Variants in DQX1 observed in about 807,000 individuals in gnomAD.
DQX1 encodes DEAQ-box RNA dependent ATPase 1.
DQX1 carries 66 observed loss-of-function variants against 81.3 expected under a neutral mutation model. The ratio of observed to expected loss-of-function variants is 0.81; its 90% CI spans 0.67 to 1.00. The LOEUF (loss-of-function observed/expected upper bound fraction) is 1.00. Ranked by LOEUF, DQX1 falls within the 50% of genes least tolerant of loss-of-function variation. The probability of loss-of-function intolerance (pLI) is 0.00; values close to 1 mark genes in which losing one functional copy is unlikely to be tolerated. For synonymous variants in DQX1, 290 were observed against 350.0 expected (o/e 0.83, Z 1.91); for missense variants, 798 against 867.9 (o/e 0.92, Z 1.01).
chr2:74,525,194 C>A lies in DQX1; in HGVS notation c.246G>T (p.Gln82His). 6.4e-7 allele frequency: 1 copy of A among 1,563,050 alleles called. No individual in the cohort carries two copies. The highest frequency in any genetic ancestry group is 8.7e-7 in the Non-Finnish European group (1 of 1,151,536). Reference protein sequence around the residue: ...PGSGKSTQIPQWCAEFALARG... With the variant: ...PGSGKSTQIPHWCAEFALARG... The stretch of plus-strand genomic sequence containing the variant: ...TGGCCAGCGCAAACTCTGCACACCA[C>A]TGAGGGATCTGGGATAGAAGTAGGG... Residue 82 changes from glutamine (Q) to histidine (H), a missense_variant, in exon 3 of 12, where the codon CAG (glutamine) becomes CAT (histidine). Physicochemically the swap from Gln to His is conservative, Grantham distance 24. Transcript: ENST00000404568. The surrounding 1 kb of genome is among the most constrained non-coding windows in gnomAD (Gnocchi z 4.1).
rs1304067533 is a variant in DQX1, at chr2:74,525,981, CAG to C, written c.-20+153_-20+154del. ...CTACCTGAGACTATTACCCCGTTGG[CAG>C]GTAGTAGAAATCTTACTTAGGCAGG... On this transcript the variant is annotated intron_variant, in intron 1 of 11. Coordinates refer to ENST00000404568, the MANE Select transcript of DQX1 (RefSeq NM_133637.3). The surrounding 1 kb of genome is among the most constrained non-coding windows in gnomAD (Gnocchi z 4.1). 6.6e-6 allele frequency among the ~76,000 whole-genome samples: 1 copy of C among 152,172 alleles called. No homozygotes were observed. The highest frequency in any genetic ancestry group is 1.5e-5 in the Non-Finnish European group (1 of 68,034).
Position 74,525,389 on chromosome 2 carries a change from C to T in DQX1, c.237+104G>A. 7.5e-7 allele frequency: 1 copy of T among 1,335,712 alleles called. No individual in the cohort carries two copies. The allele number at this position is 1,335,712 out of a possible 1,614,324, so 82.7% of individuals were successfully genotyped here. A position where few individuals can be genotyped will look rare whatever the true frequency, so the allele number is the denominator to read the frequency against. ...CACCTTCCTCATGACCCCACGCAGC[C>T]CAGTCCCCCCTTGCCCAGGGAAAGG... is the stretch of plus-strand genomic sequence containing the variant. On this transcript the variant is annotated intron_variant, in intron 2 of 11. Transcript: ENST00000404568. This position sits in a 1 kb window ranked among gnomAD's most constrained non-coding sequence, Gnocchi z 4.1.
chr2:74,519,841 G>T, intron 9 of DQX1, 74 bp downstream of exon 9: 5 of 1,602,406 alleles, frequency 3.1e-6, no homozygotes, highest in African/African-American at 1.3e-5. Context: ...TGAGCATAGA[G>T]ATCTGTCAGC....
intron 8 of DQX1, among the ~76,000 whole-genome samples, chr2:74,522,194 A>T (rs1675047328): frequency 6.6e-6 from 1 of 152,186 alleles, no homozygotes; most frequent in African/African-American, 2.4e-5. Flanking sequence ...TGGATTAGGT[A>T]CCTGGAAGGT....
At position 74,522,696 on chromosome 2, in the gene DQX1, T is replaced by A; in HGVS notation, c.1379A>T (p.Asp460Val). Residue 460 changes from aspartate to valine, a missense_variant, in exon 8 of 12, where the codon GAT (aspartate) becomes GTT (valine). Physicochemically the swap from Asp to Val is radical, Grantham distance 152 (BLOSUM62 -3). Coordinates refer to ENST00000404568, the MANE Select transcript of DQX1 (RefSeq NM_133637.3). Reference protein sequence around the residue: ...AALDDDGDLSDLGVILSEFPL... With the variant: ...AALDDDGDLSVLGVILSEFPL... ...GAATTCTGATAGTATGACACCCAGA[T>A]CTGACAGGTCCCCATCATCATCCAG... 2 of 1,614,188 alleles carry A rather than the reference T, an allele frequency of 1.2e-6. No individual in the cohort carries two copies. Among genetic ancestry groups the A allele is most frequent in the Non-Finnish European group, 8.5e-7 (1 of 1,180,036 alleles).
At position 74,519,961 on chromosome 2, in the gene DQX1, A is replaced by T. The variant is rs376169998; in HGVS notation, c.1569T>A (p.Asp523Glu). ...AALRRALEHT[D>E]GDHSSLIQVY... is the part of the protein sequence containing the mutation. Reference sequence around the variant, plus strand: ...CCTGGATCAGAGAACTGTGGTCACCATCCGTGTGTTCCAGGGCCCGACGCA... The same window carrying T: ...CCTGGATCAGAGAACTGTGGTCACCTTCCGTGTGTTCCAGGGCCCGACGCA... Residue 523 changes from aspartate to glutamate, a missense_variant, in exon 9 of 12, where the codon GAT (aspartate) becomes GAA (glutamate). Physicochemically the swap from Asp to Glu is conservative, Grantham distance 45 (BLOSUM62 2). Transcript: ENST00000404568. The T allele has an allele frequency of 1.9e-6, 3 of 1,614,110 alleles. No homozygotes were observed. In the African/African-American group the frequency reaches 4.0e-5, roughly 22 times the overall value.
In DQX1 at chr2:74,523,384, G is replaced by A; in HGVS notation, c.970C>T (p.His324Tyr). Residue 324 changes from histidine (H) to tyrosine (Y), a missense_variant, in exon 5 of 12, where the codon CAC becomes TAC. Coordinates refer to ENST00000404568, the MANE Select transcript of DQX1 (RefSeq NM_133637.3). ...GAGAAGGAGAAGTCAGCCAGCCAGT[G>A]AGTGACCACAACCTTTCGGGCATCC... is the stretch of plus-strand genomic sequence containing the variant. ...DMDARKVVVT[H>Y]WLADFSFSLP... 2.5e-6 allele frequency: 4 copies of A among 1,614,186 alleles called. No individual in the cohort carries two copies. The highest frequency in any genetic ancestry group is 3.4e-6 in the Non-Finnish European group (4 of 1,180,038).
At chr2:74,521,803 C>T (rs1675036566) in intron 8 of DQX1, among the ~76,000 whole-genome samples, 1 of 148,890 alleles carries the variant, frequency 6.7e-6, no homozygotes, top group Non-Finnish European at 1.5e-5. Context: ...CTCTCCCCCT[C>T]TCCCCATGCG....
intron 4 of DQX1, 43 bp from the exon 5 acceptor site, chr2:74,523,580 T>C: frequency 6.3e-7 from 1 of 1,581,004 alleles, no homozygotes; most frequent in South Asian, 1.1e-5. Flanking sequence ...GTTCTCACGT[T>C]TTTTGGGGTC....
chr2:74,518,571 T>G lies in DQX1; in HGVS notation c.2029A>C (p.Ser677Arg), dbSNP rs1251410168. 2 of 1,614,178 alleles carry G rather than the reference T, an allele frequency of 1.2e-6. No individual in the cohort carries two copies. Among genetic ancestry groups the G allele is most frequent in the Admixed American group, 3.3e-5 (2 of 60,018 alleles). The change falls in exon 12 of 12, where the codon AGT (serine) becomes CGT (arginine). Residue 677 changes from serine to arginine, a missense_variant. Physicochemically the swap from Ser to Arg is moderately radical, Grantham distance 110 (BLOSUM62 -1). Transcript: ENST00000404568. ...CTGCTCTCACTGGGAGGCAAGTTAC[T>G]CAGGAAGTATGGAGGGGCCAATTCC... ...LVELAPPYFL[S>R]NLPPSESRDL...
At position 74,525,777 on chromosome 2, in the gene DQX1, C is replaced by A. The variant is rs1572987160; in HGVS notation, c.-19-29G>T. 2 of 1,494,110 alleles carry A rather than the reference C, an allele frequency of 1.3e-6. No individual in the cohort carries two copies. Among genetic ancestry groups the A allele is most frequent in the South Asian group, 1.2e-5 (1 of 80,830 alleles). The allele number at this position is 1,494,110 out of a possible 1,614,324, so 92.6% of individuals were successfully genotyped here. ...CAGAAGGCAGAGCAGCCAGTAAGGTCATATTTGGTGACCGACACCATCTTC... is the reference window on the plus strand; with the variant it reads ...CAGAAGGCAGAGCAGCCAGTAAGGTAATATTTGGTGACCGACACCATCTTC... On this transcript the variant is annotated intron_variant, in intron 1 of 11. Coordinates refer to ENST00000404568, the MANE Select transcript of DQX1 (RefSeq NM_133637.3). The surrounding 1 kb of genome is among the most constrained non-coding windows in gnomAD (Gnocchi z 4.1).
chr2:74,519,932 T>C lies in DQX1; in HGVS notation c.1598A>G (p.Tyr533Cys), dbSNP rs1021696534. The part of the protein sequence containing the change: ...DGDHSSLIQV[Y>C]EAFIQSGADE... ...GAACTCACTTTGTATAAAGGCTTCATACACCTGGATCAGAGAACTGTGGTC... is the reference window on the plus strand; with the variant it reads ...GAACTCACTTTGTATAAAGGCTTCACACACCTGGATCAGAGAACTGTGGTC... The change falls in exon 9 of 12, where the codon TAT becomes TGT. Residue 533 changes from tyrosine (Y) to cysteine (C), a missense_variant. By Grantham distance (194) the Tyr-to-Cys change is radical (BLOSUM62 -2). Coordinates refer to ENST00000404568, the MANE Select transcript of DQX1 (RefSeq NM_133637.3). 3 of 1,614,080 alleles carry C rather than the reference T, an allele frequency of 1.9e-6. No individual in the cohort carries two copies. Among genetic ancestry groups the C allele is most frequent in the Non-Finnish European group, 1.7e-6 (2 of 1,180,034 alleles).
chr2:74,520,449 G>A (rs1674994518), intron 8 of DQX1, among the ~76,000 whole-genome samples: 1 of 152,196 alleles, frequency 6.6e-6, no homozygotes, highest in Non-Finnish European at 1.5e-5. Flanking sequence ...GTATGTTTTA[G>A]ACTGTGGCAA....
chr2:74,519,443 TA>T, intron 10 of DQX1, 112 bp downstream of exon 10: 1 of 1,441,206 alleles, frequency 6.9e-7, no homozygotes, highest in Non-Finnish European at 9.4e-7. Flanking sequence ...TTTCTGGTTC[TA>T]AAGAATCTTT....
At position 74,524,187 on chromosome 2, in the gene DQX1, C is replaced by T. The variant is rs1215562611; in HGVS notation, c.552G>A (p.Gly184=). The T allele has an allele frequency of 1.9e-6, 3 of 1,614,054 alleles. No individual in the cohort carries two copies. Among genetic ancestry groups the T allele is most frequent in the Non-Finnish European group, 2.5e-6 (3 of 1,180,022 alleles). Residue 184 remains glycine (G), a synonymous_variant, in exon 4 of 12, where the codon GGG becomes GGA. Transcript: ENST00000404568. ...TTTCCAGCCTGGCATCTTGCAGTAG[C>T]CCCTGGAGTGAATCTGATGCCACCG... ...ERSVASDSLQ[G]LLQDARLEKL... is the part of the protein sequence containing the mutation.
In DQX1 at chr2:74,523,419, T is replaced by C; in HGVS notation, c.935A>G (p.Tyr312Cys). 6.2e-7 allele frequency: 1 copy of C among 1,614,158 alleles called. No individual in the cohort carries two copies. The highest frequency in any genetic ancestry group is 1.1e-5 in the South Asian group (1 of 91,080). Reference protein sequence around the residue: ...PDCGRAVQAVYEDMDARKVVV... With the variant: ...PDCGRAVQAVCEDMDARKVVV... The stretch of plus-strand genomic sequence containing the variant: ...AACCTTTCGGGCATCCATGTCCTCA[T>C]ACACAGCCTGAACGGCTCGTCCACA... Residue 312 changes from tyrosine to cysteine, a missense_variant, in exon 5 of 12, where the codon TAT becomes TGT. Coordinates refer to ENST00000404568, the MANE Select transcript of DQX1 (RefSeq NM_133637.3).
chr2:74,519,143 T>C lies in DQX1; in HGVS notation c.1894A>G (p.Ser632Gly). 2 of 1,613,624 alleles carry C rather than the reference T, an allele frequency of 1.2e-6. No individual in the cohort carries two copies. The highest frequency in any genetic ancestry group is 1.7e-6 in the Non-Finnish European group (2 of 1,179,736). ...AQLSSYCCYR[S>G]RRAPARPPPW... Reference sequence around the variant, plus strand: ...GGGGGTCTGGCAGGAGCTCTGCGGCTTCGGTAGCAGCAGTATGAGGAGAGC... The same window carrying C: ...GGGGGTCTGGCAGGAGCTCTGCGGCCTCGGTAGCAGCAGTATGAGGAGAGC... The change falls in exon 11 of 12, where the codon AGC (serine) becomes GGC (glycine). Residue 632 changes from serine (S) to glycine (G), a missense_variant. Physicochemically the swap from Ser to Gly is moderately conservative, Grantham distance 56. Coordinates refer to ENST00000404568, the MANE Select transcript of DQX1 (RefSeq NM_133637.3).
rs750941458 is a variant in DQX1 at position 74,519,780 on chromosome 2, C to T, written c.1616-34G>A. Reference sequence around the variant, plus strand: ...GGAAAGGGACCAGCTAAACTAAAGTCCTTGAGACCCCTGAAATAACCCAAC... The same window carrying T: ...GGAAAGGGACCAGCTAAACTAAAGTTCTTGAGACCCCTGAAATAACCCAAC... On this transcript the variant is annotated intron_variant, in intron 9 of 11. Coordinates refer to ENST00000404568, the MANE Select transcript of DQX1 (RefSeq NM_133637.3). 13 of 1,611,020 alleles carry T rather than the reference C, an allele frequency of 8.1e-6. No homozygotes were observed. In the South Asian group the frequency reaches 1.2e-4, roughly 15 times the overall value.
intron 5 of DQX1, 33 bp downstream of exon 5, chr2:74,523,277 A>C (rs369535167): frequency 1.5e-5 from 24 of 1,613,888 alleles, no homozygotes; most frequent in Non-Finnish European, 1.9e-5. Context: ...TTCTGTCTTT[A>C]CTACCCCACC....
Sources: allele counts gnomAD v4.1 joint callset (sites outside exome capture counted in the v4.1 genomes callset), GRCh38; gene constraint gnomAD v4.1.1; non-coding constraint Gnocchi (gnomAD v3.1); transcripts MANE v1.5; gene names NCBI Gene and HGNC (gene_info 2026-07-23, HGNC 2026-07-21).